Variants in HMOX2 observed in about 807,000 individuals in gnomAD.
HMOX2 encodes the protein heme oxygenase (decycling) 2.
Under a neutral mutation model 33.7 loss-of-function variants are expected in HMOX2, and 30 were observed. The ratio of observed to expected loss-of-function variants is 0.89; its 90% CI spans 0.67 to 1.21. The LOEUF (loss-of-function observed/expected upper bound fraction) is 1.21, where lower values mean the gene tolerates loss of function less well. HMOX2 is among the 50% of genes most tolerant of loss of function. The pLI is 0.00. For synonymous variants in HMOX2, 155 were observed against 155.0 expected (o/e 1.00, Z 0.00); for missense variants, 403 against 399.1 (o/e 1.01, Z -0.08).
chr16:4,505,463 C>A, intron 1 of HMOX2, 21 bp from the exon 2 acceptor site: 1 of 1,301,664 alleles, frequency 7.7e-7, no homozygotes. Context: ...GCCACATCAC[C>A]AGCTCCTTGT....
At chr16:4,505,935 G>A (rs889516114) in intron 2 of HMOX2, among the ~76,000 whole-genome samples, 1 of 152,190 alleles carries the variant, frequency 6.6e-6, no homozygotes, top group Non-Finnish European at 1.5e-5. Context: ...AGGCAAAGCT[G>A]GCTCTGTTCA....
intron 1 of HMOX2, among the ~76,000 whole-genome samples, chr16:4,480,970 C>T (rs2058011776): frequency 6.7e-6 from 1 of 149,724 alleles, no homozygotes; most frequent in South Asian, 2.2e-4. Flanking sequence ...CGTATTTTTG[C>T]TTTTGCTCAT....
At chr16:4,489,572 C>CCTCA (rs1197871922) in intron 1 of HMOX2, among the ~76,000 whole-genome samples, 4 of 152,298 alleles carry the variant, frequency 2.6e-5, no homozygotes, top group Admixed American at 2.6e-4. Context: ...GATACTCCTA[C>CCTCA]CTCAGCCTCC....
intron 1 of HMOX2, among the ~76,000 whole-genome samples, chr16:4,484,100 G>A (rs1013043281): frequency 2.0e-5 from 3 of 149,398 alleles, no homozygotes; most frequent in Non-Finnish European, 3.0e-5. Flanking sequence ...TCAGCCTCCC[G>A]AGTAGCTGGG....
rs976454169 is a variant in HMOX2 at position 4,507,871 on chromosome 16, G to A, written c.363G>A (p.Trp121Ter). Residue 121 changes from tryptophan to a stop codon, truncating the protein, a stop_gained, in exon 4 of 6, where the codon TGG becomes TGA. Transcript: ENST00000570646. LOFTEE classifies it high-confidence loss of function. Reference protein sequence around the residue: ...KDMEYFFGENWEEQVQCPKAA... With the variant: ...KDMEYFFGEN ...TGGAGTATTTCTTTGGTGAAAACTG[G>A]GAGGAGCAGGTGCAGTGCCCCAAGG... 1.2e-6 allele frequency: 2 copies of A among 1,614,206 alleles called. No homozygotes were observed. Among genetic ancestry groups the A allele is most frequent in the Non-Finnish European group, 1.7e-6 (2 of 1,180,050 alleles).
chr16:4,500,148 A>C lies in HMOX2; in HGVS notation c.-41-5336A>C, dbSNP rs559762293. On this transcript the variant is annotated intron_variant, in intron 1 of 5. Coordinates refer to ENST00000570646, the MANE Select transcript of HMOX2 (RefSeq NM_002134.4). ...TAACTGGGAAGACAGGATGACAGTC[A>C]GTTGTGGAAGCTGAAGCGTAATCAC... 1.1e-4 allele frequency among the ~76,000 whole-genome samples: 16 copies of C among 152,332 alleles called. No individual in the cohort carries two copies. The South Asian group carries it at 3.3e-3, about 32-fold the overall frequency.
intron 1 of HMOX2, among the ~76,000 whole-genome samples, chr16:4,480,030 C>T (rs552159524): frequency 2.5e-4 from 38 of 151,276 alleles, no homozygotes; most frequent in African/African-American, 9.2e-4. Flanking sequence ...TGAGTCGCTG[C>T]GCCCGGCTTT....
chr16:4,493,389 G>C lies in HMOX2; in HGVS notation c.-41-12095G>C, dbSNP rs115526257. 5.3e-3 allele frequency among the ~76,000 whole-genome samples: 803 copies of C among 152,276 alleles called. 3 individuals carry two copies. Among genetic ancestry groups the C allele is most frequent in the African/African-American group, 0.018 (738 of 41,556 alleles). ...TAAATTGCAAGTGACATATTCTTTA[G>C]TTTATTAATCAGCACCATATGATGT... On this transcript the variant is annotated intron_variant, in intron 1 of 5. Coordinates refer to ENST00000570646, the MANE Select transcript of HMOX2 (RefSeq NM_002134.4).
intron 1 of HMOX2, among the ~76,000 whole-genome samples, chr16:4,481,300 G>T (rs193010065): frequency 3.8e-4 from 55 of 144,744 alleles, no homozygotes; most frequent in African/African-American, 1.1e-3. Flanking sequence ...AGTAAGCAGA[G>T]ATCGCGCCAC....
At chr16:4,497,142 C>G (rs2058441890) in intron 1 of HMOX2, among the ~76,000 whole-genome samples, 1 of 152,144 alleles carries the variant, frequency 6.6e-6, no homozygotes, top group Non-Finnish European at 1.5e-5. Flanking sequence ...AAATGCTATT[C>G]ACAGTCCTTG....
chr16:4,496,126 C>CTTTTTTTT, intron 1 of HMOX2: 1 of 141,082 alleles, frequency 7.1e-6, no homozygotes, highest in African/African-American at 2.7e-5. Context: ...ACTTTTCTTT[C>CTTTTTTTT]TTTTTTTTTT....
At chr16:4,494,721 A>G (rs547771704) in intron 1 of HMOX2, among the ~76,000 whole-genome samples, 1 of 152,274 alleles carries the variant, frequency 6.6e-6, no homozygotes, top group African/African-American at 2.4e-5. Context: ...TTTACTAAAA[A>G]TACAAAAATT....
intron 1 of HMOX2, among the ~76,000 whole-genome samples, chr16:4,484,522 A>T (rs1156883586): frequency 3.8e-5 from 5 of 132,762 alleles, no homozygotes; most frequent in Non-Finnish European, 7.9e-5. Context: ...GTGCAGTGGT[A>T]CGATTTCGGC....
In HMOX2 at chr16:4,507,817, G is replaced by A. The variant is rs25686; in HGVS notation, c.309G>A (p.Leu103=). 4,325 of 1,614,210 alleles carry A rather than the reference G, an allele frequency of 2.7e-3. 117 individuals are homozygous for A. The African/African-American group carries it at 0.053, about 20-fold the overall frequency. Residue 103 remains leucine, a synonymous_variant, in exon 4 of 6, where the codon CTG becomes CTA. Coordinates refer to ENST00000570646, the MANE Select transcript of HMOX2 (RefSeq NM_002134.4). Reference sequence around the variant, plus strand: ...CCCCTTTGTACTTCCCCATGGAGCTGCACCGGAAGGAGGCGCTGACCAAGG... The same window carrying A: ...CCCCTTTGTACTTCCCCATGGAGCTACACCGGAAGGAGGCGCTGACCAAGG... ...AFAPLYFPME[L]HRKEALTKDM...
chr16:4,475,576 TG>T (rs2057798041), upstream of HMOX2, among the ~76,000 whole-genome samples: 1 of 151,296 alleles, frequency 6.6e-6, no homozygotes, highest in African/African-American at 2.4e-5. Context: ...GCTCCCAAAG[TG>T]CTGGGATTAC....
At position 4,508,444 on chromosome 16, in the gene HMOX2, G is replaced by A. The variant is rs948602116; in HGVS notation, c.696+240G>A. Among the ~76,000 whole-genome samples, 32 of 152,124 alleles carry A rather than the reference G, an allele frequency of 2.1e-4. 1 individual carries two copies. Among genetic ancestry groups the A allele is most frequent in the Admixed American group, 2.0e-3 (30 of 15,280 alleles). Reference sequence around the variant, plus strand: ...TGTTTTGGGAAGGGTGAGTCCTCTCGCACATAGAGGGGTCTGGAAGAATGG... The same window carrying A: ...TGTTTTGGGAAGGGTGAGTCCTCTCACACATAGAGGGGTCTGGAAGAATGG... On this transcript the variant is annotated intron_variant, in intron 4 of 5. Transcript: ENST00000570646.
At chr16:4,496,474 C>T (rs1298147176) in intron 1 of HMOX2, 1 of 152,162 alleles carries the variant, frequency 6.6e-6, no homozygotes, top group Non-Finnish European at 1.5e-5. Flanking sequence ...GTAGTTTAAC[C>T]TCTCTACTGC....
At chr16:4,499,954 G>A (rs1353606623) in intron 1 of HMOX2, among the ~76,000 whole-genome samples, 6 of 152,126 alleles carry the variant, frequency 3.9e-5, no homozygotes, top group African/African-American at 1.4e-4. Context: ...ACAGGCACAG[G>A]CACACAAATC....
intron 1 of HMOX2, chr16:4,479,329 T>C (rs771296394): frequency 5.3e-5 from 8 of 152,180 alleles, no homozygotes; most frequent in African/African-American, 7.2e-5. Flanking sequence ...TTTGGTAAAA[T>C]TGGGATTATG....
Sources: allele counts gnomAD v4.1 joint callset (sites outside exome capture counted in the v4.1 genomes callset), GRCh38; gene constraint gnomAD v4.1.1; transcripts MANE v1.5; gene names NCBI Gene and HGNC (gene_info 2026-07-23, HGNC 2026-07-21).